The following EML1 variants were observed in gnomAD, a reference collection of about 807,000 sequenced individuals.
EML1 encodes the protein echinoderm microtubule-associated protein-like 1.
In EML1, 27 loss-of-function variants were observed where a neutral mutation model predicts 110.4. The observed-to-expected ratio is 0.24, with a 90% CI of 0.18 to 0.34. EML1 has a LOEUF of 0.34. EML1 is among the 10% of genes least tolerant of loss of function. The pLI, the probability that EML1 is intolerant of heterozygous loss-of-function variation, is 1.00. For synonymous variants in EML1, 344 were observed against 385.8 expected, an observed-to-expected ratio of 0.89 and a Z score of 1.27; for missense variants, 741 against 1,030.9, an observed-to-expected ratio of 0.72 and a Z score of 3.85.
chr14:99,872,074 A>C (rs567469180), intron 3 of EML1, among the ~76,000 whole-genome samples: 4 of 152,278 alleles, frequency 2.6e-5, no homozygotes, highest in Admixed American at 2.0e-4. Flanking sequence ...TCTGTGTACT[A>C]TTTGTGGGAG....
intron 1 of EML1, among the ~76,000 whole-genome samples, chr14:99,837,738 A>G (rs568767201): frequency 3.2e-4 from 49 of 152,316 alleles, no homozygotes; most frequent in African/African-American, 1.1e-3. Flanking sequence ...TTGGAAAACT[A>G]GGTTTCTGGC....
intron 1 of EML1, among the ~76,000 whole-genome samples, chr14:99,835,590 A>G (rs889252128): frequency 6.6e-6 from 1 of 152,120 alleles, no homozygotes; most frequent in African/African-American, 2.4e-5. Context: ...CTTCGTTTCT[A>G]ATGTCGATGT....
chr14:99,789,188 A>G (rs1206434233), upstream of EML1, among the ~76,000 whole-genome samples: 1 of 151,638 alleles, frequency 6.6e-6, no homozygotes, highest in Non-Finnish European at 1.5e-5. Context: ...GGAATTTTCT[A>G]TTTCTTTCTT....
Position 99,776,228 on chromosome 14 carries a change from C to T in EML1, c.-27+2215C>T, listed in dbSNP as rs561742259. Among the ~76,000 whole-genome samples, 6 of 152,090 alleles carry T rather than the reference C, an allele frequency of 3.9e-5. No homozygotes were observed. The South Asian group carries it at 6.3e-4, about 16-fold the overall frequency. On this transcript the variant is annotated intron_variant, in intron 1 of 22. Coordinates refer to the EML1 transcript ENST00000327921. ...AAAAACCTGTGAAATTGACCAGGTGCGGTGGCTCATGCCTGTAATCCCAGA... is the reference window on the plus strand; with the variant it reads ...AAAAACCTGTGAAATTGACCAGGTGTGGTGGCTCATGCCTGTAATCCCAGA...
intron 1 of EML1, among the ~76,000 whole-genome samples, chr14:99,799,129 G>A (rs1423059374): frequency 6.6e-6 from 1 of 152,126 alleles, no homozygotes; most frequent in Non-Finnish European, 1.5e-5. Context: ...GGTGCTACTT[G>A]TTAGTAACTA....
chr14:99,891,301 G>A, intron 5 of EML1, 74 bp downstream of exon 5: 1 of 1,594,534 alleles, frequency 6.3e-7, no homozygotes, highest in Non-Finnish European at 8.6e-7. Flanking sequence ...AAAAGAAGTA[G>A]CCAGCTTCAG....
intron 1 of EML1, among the ~76,000 whole-genome samples, chr14:99,780,768 G>A (rs2057531344): frequency 6.6e-6 from 1 of 152,116 alleles, no homozygotes; most frequent in African/African-American, 2.4e-5. Context: ...TTGTATAATA[G>A]TTGCCTACGA....
intron 1 of EML1, among the ~76,000 whole-genome samples, chr14:99,810,583 A>T (rs1458849114): frequency 6.6e-6 from 1 of 152,056 alleles, no homozygotes; most frequent in Non-Finnish European, 1.5e-5. Context: ...ATTATTTGTT[A>T]AGACTCAGCT....
At chr14:99,868,840 G>C (rs182972161) in intron 3 of EML1, among the ~76,000 whole-genome samples, 1 of 150,412 alleles carries the variant, frequency 6.6e-6, no homozygotes, top group Non-Finnish European at 1.5e-5. Context: ...TATTTCCTTC[G>C]CTCTGCCAAC....
At chr14:99,808,018 C>T (rs2058009087) in intron 1 of EML1, among the ~76,000 whole-genome samples, 1 of 152,166 alleles carries the variant, frequency 6.6e-6, no homozygotes, top group Non-Finnish European at 1.5e-5. Context: ...CTGTTCATGC[C>T]TTAAGACCCG....
At position 99,939,688 on chromosome 14, in the gene EML1, C is replaced by T. The variant is rs987636316; in HGVS notation, c.2323-299C>T. Among the ~76,000 whole-genome samples, 6 of 152,268 alleles carry T rather than the reference C, an allele frequency of 3.9e-5. No homozygotes were observed. The highest frequency in any genetic ancestry group is 1.3e-4 in the Admixed American group (2 of 15,292). Reference sequence around the variant, plus strand: ...CCTGGAGACCCCTCACCCTCAGCCCCGGGCATCTGGTTAGGCCCACCTTTG... The same window carrying T: ...CCTGGAGACCCCTCACCCTCAGCCCTGGGCATCTGGTTAGGCCCACCTTTG... On this transcript the variant is annotated intron_variant, in intron 21 of 21. Transcript: ENST00000262233. The surrounding 1 kb of genome is among the most constrained non-coding windows in gnomAD (Gnocchi z 4.2).
intron 1 of EML1, among the ~76,000 whole-genome samples, chr14:99,806,461 C>T (rs1314866625): frequency 6.6e-6 from 1 of 151,894 alleles, no homozygotes; most frequent in Non-Finnish European, 1.5e-5. Context: ...GGATTACAGG[C>T]ATGCTCCACC....
At chr14:99,837,793 T>A (rs1052799126) in intron 1 of EML1, among the ~76,000 whole-genome samples, 1 of 152,184 alleles carries the variant, frequency 6.6e-6, no homozygotes, top group African/African-American at 2.4e-5. Flanking sequence ...TGTGCTTTTC[T>A]TTTTGTTTTG....
At chr14:99,820,184 T>C (rs2139742104) in intron 1 of EML1, among the ~76,000 whole-genome samples, 1 of 152,348 alleles carries the variant, frequency 6.6e-6, no homozygotes, top group Admixed American at 6.5e-5. Flanking sequence ...TCTTTACATA[T>C]TTTTACTTAA....
chr14:99,891,695 T>C (rs559901011), intron 5 of EML1, among the ~76,000 whole-genome samples: 153 of 152,372 alleles, frequency 1.0e-3, no homozygotes, highest in Non-Finnish European at 2.0e-3. Context: ...TAATAGTTCA[T>C]GTATATCTTT....
chr14:99,741,354 C>T (rs1374180005), intron 1 of EML1, among the ~76,000 whole-genome samples: 1 of 152,042 alleles, frequency 6.6e-6, no homozygotes, highest in Non-Finnish European at 1.5e-5. Flanking sequence ...TTTGTAAGTG[C>T]GTGTGCTGGG....
intron 1 of EML1, among the ~76,000 whole-genome samples, chr14:99,815,056 G>A (rs1047299137): frequency 3.3e-5 from 5 of 151,956 alleles, no homozygotes; most frequent in African/African-American, 9.7e-5. Flanking sequence ...GCCCATACTC[G>A]TGGCTTGAGC....
At chr14:99,912,907 G>A (rs984878814) in intron 13 of EML1, among the ~76,000 whole-genome samples, 1 of 152,218 alleles carries the variant, frequency 6.6e-6, no homozygotes, top group African/African-American at 2.4e-5. Flanking sequence ...ATGCCACACT[G>A]GAGAATGTGT....
At chr14:99,929,022 C>G (rs930157333) in intron 17 of EML1, among the ~76,000 whole-genome samples, 1 of 152,230 alleles carries the variant, frequency 6.6e-6, no homozygotes, top group Non-Finnish European at 1.5e-5. Context: ...TCATCTGCAG[C>G]CTCTTTCCTA....
Sources: allele counts gnomAD v4.1 joint callset (sites outside exome capture counted in the v4.1 genomes callset), GRCh38; gene constraint gnomAD v4.1.1; non-coding constraint Gnocchi (gnomAD v3.1); transcripts MANE v1.5; gene names NCBI Gene and HGNC (gene_info 2026-07-23, HGNC 2026-07-21).